The following PRSS48 variants were observed in gnomAD, a reference collection of about 807,000 sequenced individuals.
PRSS48 encodes serine protease 48.
A neutral mutation model predicts 25.6 loss-of-function variants in PRSS48; 21 were observed. The ratio of observed to expected loss-of-function variants is 0.82; its 90% CI spans 0.58 to 1.18. PRSS48 has a LOEUF of 1.18. Ranked by LOEUF, PRSS48 falls within the 50% of genes most tolerant of loss-of-function variation. PRSS48 has a pLI of 0.00. For missense variants in PRSS48, 373 were observed against 399.3 expected, an observed-to-expected ratio of 0.93 and a Z score of 0.56; for synonymous variants, 150 against 149.3, an observed-to-expected ratio of 1.00 and a Z score of -0.04.
chr4:151,286,529 C>T (rs1386287254), intron 4 of PRSS48, among the ~76,000 whole-genome samples: 2 of 150,436 alleles, frequency 1.3e-5, no homozygotes, highest in African/African-American at 4.9e-5. Context: ...CACAAACTAC[C>T]ATAACTTACC....
intron 4 of PRSS48, among the ~76,000 whole-genome samples, chr4:151,283,963 G>A (rs892467490): frequency 6.6e-6 from 1 of 152,178 alleles, no homozygotes; most frequent in Non-Finnish European, 1.5e-5. Flanking sequence ...TCCATGGAGT[G>A]TAATGTGTTG....
chr4:151,278,856 C>T (rs2150005145), intron 1 of PRSS48, among the ~76,000 whole-genome samples: 1 of 152,288 alleles, frequency 6.6e-6, no homozygotes, highest in Non-Finnish European at 1.5e-5. Flanking sequence ...TGGTTTTGAA[C>T]TCCTGGACTT....
intron 4 of PRSS48, among the ~76,000 whole-genome samples, chr4:151,289,446 T>C (rs1580420708): frequency 6.6e-6 from 1 of 152,176 alleles, no homozygotes; most frequent in East Asian, 1.9e-4. Context: ...AGGTAGCCTA[T>C]GAAACGGAAG....
intron 4 of PRSS48, among the ~76,000 whole-genome samples, chr4:151,286,789 A>G (rs1774833597): frequency 1.3e-5 from 2 of 151,692 alleles, no homozygotes; most frequent in African/African-American, 2.4e-5. Context: ...AGACGAGCCT[A>G]GCAAATGTGG....
At chr4:151,287,110 G>A (rs1774874361) in intron 4 of PRSS48, among the ~76,000 whole-genome samples, 1 of 151,436 alleles carries the variant, frequency 6.6e-6, no homozygotes, top group Non-Finnish European at 1.5e-5. Context: ...GGAGGCCGAG[G>A]CAGGCAGATC....
At chr4:151,283,529 T>A (rs1422653829) in intron 4 of PRSS48, among the ~76,000 whole-genome samples, 15 of 97,578 alleles carry the variant, frequency 1.5e-4, no homozygotes, top group Non-Finnish European at 3.2e-4. Context: ...TTTTTTTTTT[T>A]AAATTAGAGA....
At chr4:151,289,192 A>T (rs1460313586) in intron 4 of PRSS48, among the ~76,000 whole-genome samples, 1 of 152,244 alleles carries the variant, frequency 6.6e-6, no homozygotes, top group Non-Finnish European at 1.5e-5. Context: ...CATGCAAAAG[A>T]ATGAACTTGG....
At position 151,283,308 on chromosome 4, in the gene PRSS48, T is replaced by C. The variant is rs758682356; in HGVS notation, c.651+22T>C. On this transcript the variant is annotated intron_variant, in intron 4 of 4. Transcript: ENST00000455694. ...CAAGGTCAGGGTTTGCTCTAGAGAA[T>C]TTTTTTTTAAACATGAGATCTTAAT... The C allele has an allele frequency of 1.9e-6, 3 of 1,561,960 alleles. No homozygotes were observed. In the African/African-American group the frequency reaches 4.1e-5, roughly 21 times the overall value.
chr4:151,282,018 G>A, intron 2 of PRSS48, 130 bp from the exon 3 acceptor site: 1 of 894,654 alleles, frequency 1.1e-6, no homozygotes. Flanking sequence ...CCTAGTTGAA[G>A]TTGGAAGCAC....
Position 151,278,416 on chromosome 4 carries a change from G to A in PRSS48, c.52+1192G>A, listed in dbSNP as rs56342509. Among the ~76,000 whole-genome samples, 9 of 66,278 alleles carry A rather than the reference G, an allele frequency of 1.4e-4. No individual in the cohort carries two copies. In the East Asian group the frequency reaches 2.3e-3, roughly 17 times the overall value. The allele number at this position is 66,278 out of a possible 152,430, so 43.5% of individuals were successfully genotyped here. A position where few individuals can be genotyped will look rare whatever the true frequency, so the allele number is the denominator to read the frequency against. ...CCTAGTAGCTGGGACTACAGGTGTGGTTGAACCACACCTGTTGTGTTTGTG... is the reference window on the plus strand; with the variant it reads ...CCTAGTAGCTGGGACTACAGGTGTGATTGAACCACACCTGTTGTGTTTGTG... On this transcript the variant is annotated intron_variant, in intron 1 of 4. Transcript: ENST00000455694.
At chr4:151,283,363 A>G (rs1394912594) in intron 4 of PRSS48, 77 bp downstream of exon 4, 1 of 1,374,158 alleles carries the variant, frequency 7.3e-7, no homozygotes, top group Non-Finnish European at 1.0e-6. Context: ...TCTGTAAATA[A>G]CAGTGGATTG....
chr4:151,291,336 T>A, exon 5 of PRSS48: 1 of 1,613,892 alleles, frequency 6.2e-7, no homozygotes, highest in Non-Finnish European at 8.5e-7. Context: ...CTCTCCTGCG[T>A]CCCTCCTGTG....
exon 1 of PRSS48, chr4:151,277,199 G>A (rs755258227): frequency 6.7e-6 from 10 of 1,501,908 alleles, no homozygotes; most frequent in African/African-American, 5.6e-5. Context: ...GTGCCTTCAC[G>A]CTGCTCCTTC....
intron 4 of PRSS48, 142 bp downstream of exon 4, chr4:151,283,428 A>G (rs1186995816): frequency 4.5e-6 from 3 of 669,494 alleles, no homozygotes; most frequent in Non-Finnish European, 7.4e-6. Context: ...TGGACAAATC[A>G]CTTAACTTCT....
intron 4 of PRSS48, among the ~76,000 whole-genome samples, chr4:151,286,982 A>AAATAATAATAATAATAATAAT (rs113584974): frequency 7.1e-6 from 1 of 141,834 alleles, no homozygotes; most frequent in African/African-American, 2.6e-5. Flanking sequence ...TCTGTCTCAA[A>AAATAATAATAATAATAATAAT]AATAATAATA....
exon 3 of PRSS48, chr4:151,282,175 G>T (rs751343841): frequency 4.3e-6 from 7 of 1,613,794 alleles, no homozygotes; most frequent in Non-Finnish European, 5.1e-6. Context: ...CATATACTGT[G>T]TGGCTAGGAT....
In PRSS48 at chr4:151,282,421, T is replaced by C. The variant is rs560325226; in HGVS notation, c.481+8T>C. 5.0e-6 allele frequency: 8 copies of C among 1,613,430 alleles called. No individual in the cohort carries two copies. In the East Asian group the frequency reaches 8.9e-5, roughly 18 times the overall value. ...AAGTTAAGGAAAGTTCAGGTGAGAA[T>C]GGGCAGAGAGAAGGGTTGTTTCATA... On this transcript the variant is annotated splice_region_variant and intron_variant, in intron 3 of 4. Transcript: ENST00000455694.
Position 151,279,796 on chromosome 4 carries a change from T to A in PRSS48, c.53T>A (p.Val18Glu), listed in dbSNP as rs778862552. The change falls in exon 2 of 5, where the codon GTG becomes GAG. Residue 18 changes from valine to glutamate, a missense_variant and splice_region_variant. By Grantham distance (121) the Val-to-Glu change is moderately radical. Transcript: ENST00000455694. ...ATTTCCCTTTCTTCTCTTTCTCTAG[T>A]GTGTGGGCAACCTGTATACTCCAGC... 3.7e-6 allele frequency: 6 copies of A among 1,613,762 alleles called. No individual in the cohort carries two copies. The highest frequency in any genetic ancestry group is 5.1e-6 in the Non-Finnish European group (6 of 1,179,764).
At chr4:151,280,007 T>C (rs1186744916) in intron 2 of PRSS48, 49 bp downstream of exon 2, 1 of 1,268,282 alleles carries the variant, frequency 7.9e-7, no homozygotes, top group Non-Finnish European at 1.0e-6. Flanking sequence ...CAGTGAATAT[T>C]TGCATCACTT....
Sources: gnomAD v4.1 joint callset for allele counts (sites outside exome capture counted in the v4.1 genomes callset) on GRCh38, gnomAD v4.1.1 for gene constraint, MANE v1.5 for transcripts, NCBI Gene and HGNC (gene_info 2026-07-23, HGNC 2026-07-21) for gene names.